Variants in RASA3 observed in about 807,000 individuals in gnomAD.
RASA3 encodes the protein ras GTPase-activating protein 3.
A neutral mutation model predicts 110.0 loss-of-function variants in RASA3; 73 were observed. The observed-to-expected ratio is 0.66, with a 90% CI of 0.55 to 0.81. RASA3 has a LOEUF of 0.81. Ranked by LOEUF, RASA3 falls within the 30% of genes least tolerant of loss-of-function variation. The probability of loss-of-function intolerance (pLI) is 0.00; values close to 1 mark genes in which losing one functional copy is unlikely to be tolerated. For synonymous variants in RASA3, 500 were observed against 451.4 expected (o/e 1.11, Z -1.37); for missense variants, 976 against 1,113.2 (o/e 0.88, Z 1.75).
chr13:114,043,698 G>T (rs574882956), intron 3 of RASA3, among the ~76,000 whole-genome samples: 1 of 152,026 alleles, frequency 6.6e-6, no homozygotes, highest in African/African-American at 2.4e-5. Context: ...CAGCACATGT[G>T]GGAGAAGGAA....
chr13:114,068,120 C>G (rs1055087603), intron 2 of RASA3, among the ~76,000 whole-genome samples: 1 of 152,236 alleles, frequency 6.6e-6, no homozygotes, highest in African/African-American at 2.4e-5. Flanking sequence ...CAGAAACCAG[C>G]CACGCCTGCA....
At chr13:114,091,567 G>T (rs1285692606) in intron 1 of RASA3, among the ~76,000 whole-genome samples, 1 of 150,894 alleles carries the variant, frequency 6.6e-6, no homozygotes, top group Non-Finnish European at 1.5e-5. Context: ...AGTCCCACCT[G>T]TCATGCTGAA....
intron 2 of RASA3, among the ~76,000 whole-genome samples, chr13:114,060,922 C>CGGAGCCCCCACAGCCGGCAGAT (rs2139608782): frequency 7.8e-6 from 1 of 128,850 alleles, no homozygotes; most frequent in South Asian, 2.8e-4. Context: ...AGCCGGCAGA[C>CGGAGCCCCCACAGCCGGCAGAT]GGAGCCCCCA....
chr13:114,088,785 G>T lies in RASA3; in HGVS notation c.56-14948C>A, dbSNP rs575846228. 7.2e-5 allele frequency among the ~76,000 whole-genome samples: 11 copies of T among 152,262 alleles called. No individual in the cohort carries two copies. In the East Asian group the frequency reaches 2.1e-3, roughly 29 times the overall value. On this transcript the variant is annotated intron_variant, in intron 1 of 23. Coordinates refer to ENST00000334062, the MANE Select transcript of RASA3 (RefSeq NM_007368.4). ...GGCTGGTCTTGAACTCCCGACCTCA[G>T]GTGATCCAACCGCCTTGGCCTCCCA...
At chr13:114,032,904 T>C (rs1366510708) in intron 4 of RASA3, among the ~76,000 whole-genome samples, 2 of 58,794 alleles carry the variant, frequency 3.4e-5, no homozygotes, top group African/African-American at 1.3e-4. Context: ...CCACACTTGA[T>C]ACCATGCCCC....
intron 2 of RASA3, among the ~76,000 whole-genome samples, chr13:114,070,737 C>T (rs537108289): frequency 0.013 from 1,737 of 132,872 alleles, 24 homozygotes; most frequent in Middle Eastern, 0.027. Context: ...GGGCTGCCGG[C>T]GTCCACGCTA....
At chr13:114,093,383 T>C (rs919411051) in intron 1 of RASA3, among the ~76,000 whole-genome samples, 6 of 152,224 alleles carry the variant, frequency 3.9e-5, no homozygotes, top group African/African-American at 1.4e-4. Context: ...GAATATATCA[T>C]CCCACTCCCT....
At chr13:114,047,521 A>T (rs1217506389) in intron 3 of RASA3, among the ~76,000 whole-genome samples, 1 of 152,284 alleles carries the variant, frequency 6.6e-6, no homozygotes, top group Non-Finnish European at 1.5e-5. Context: ...CACACACCCT[A>T]CAGTGACCCA....
At chr13:114,062,556 CCGCACGCAGA>C (rs1189567511) in intron 2 of RASA3, among the ~76,000 whole-genome samples, 2 of 132,218 alleles carry the variant, frequency 1.5e-5, no homozygotes, top group African/African-American at 6.2e-5. Context: ...CAGCCCACGT[CCGCACGCAGA>C]CTCGGACACG....
At chr13:114,012,838 T>A in intron 15 of RASA3, among the ~76,000 whole-genome samples, 1 of 86,874 alleles carries the variant, frequency 1.2e-5, no homozygotes, top group Admixed American at 1.2e-4. Context: ...CACTCCCCAT[T>A]CCACACACAC....
rs986914058 is a variant in RASA3, at chr13:114,114,656, C to A, written c.55+17779G>T. ...CACATATTTAATTGACTCGTAAAAG[C>A]AACTTGTTTTTCTTCATCCTTCGCC... On this transcript the variant is annotated intron_variant, in intron 1 of 23. Transcript: ENST00000334062. The surrounding 1 kb of genome is among the most constrained non-coding windows in gnomAD (Gnocchi z 4.8). Among the ~76,000 whole-genome samples, 1 of 152,184 alleles carries A rather than the reference C, an allele frequency of 6.6e-6. No individual in the cohort carries two copies. The highest frequency in any genetic ancestry group is 2.1e-4 in the South Asian group (1 of 4,830).
chr13:114,053,501 G>GT (rs1351001906), intron 2 of RASA3, among the ~76,000 whole-genome samples: 27 of 152,378 alleles, frequency 1.8e-4, no homozygotes, highest in African/African-American at 6.5e-4. Flanking sequence ...TAGGAAAGAT[G>GT]TAAGTTATTC....
intron 8 of RASA3, among the ~76,000 whole-genome samples, chr13:114,022,133 G>A (rs60726596): frequency 6.6e-6 from 1 of 152,006 alleles, no homozygotes; most frequent in South Asian, 2.1e-4. Context: ...CACAGCGGGG[G>A]GAGAACTGTG....
chr13:114,129,004 C>T (rs955660713), intron 1 of RASA3, among the ~76,000 whole-genome samples: 7 of 152,162 alleles, frequency 4.6e-5, no homozygotes, highest in Admixed American at 1.3e-4. Flanking sequence ...CAAGATAAGG[C>T]GCCACATTTA....
At chr13:114,023,822 G>A (rs1436138248) in intron 8 of RASA3, among the ~76,000 whole-genome samples, 1 of 152,238 alleles carries the variant, frequency 6.6e-6, no homozygotes, top group East Asian at 1.9e-4. Flanking sequence ...AGGTGAGAGT[G>A]TTTCACTCGA....
chr13:114,001,407 C>T (rs9590387), intron 18 of RASA3, among the ~76,000 whole-genome samples: 1,708 of 141,312 alleles, frequency 0.012, 24 homozygotes, highest in African/African-American at 0.042. Flanking sequence ...GGGCAGTGGA[C>T]GCTCACACAC....
chr13:114,033,996 G>T (rs114669675), intron 4 of RASA3, among the ~76,000 whole-genome samples: 25 of 152,246 alleles, frequency 1.6e-4, no homozygotes, highest in Non-Finnish European at 2.9e-4. Context: ...AGGGCTGAGC[G>T]GAGTATCGCC....
At chr13:114,077,232 G>A (rs950003655) in intron 1 of RASA3, among the ~76,000 whole-genome samples, 14 of 152,226 alleles carry the variant, frequency 9.2e-5, no homozygotes, top group East Asian at 1.9e-4. Flanking sequence ...GACAGACGCC[G>A]TACGACATGA....
Position 113,979,374 on chromosome 13 carries a change from C to A in RASA3, c.2478G>T (p.Gln826His), listed in dbSNP as rs1182219611. The change falls in exon 24 of 24, where the codon CAG becomes CAT. Residue 826 changes from glutamine to histidine, a missense_variant. This residue lies in a region of RASA3 where 132 missense variants were observed against 152.8 expected (regional missense o/e 0.86). Coordinates refer to ENST00000334062, the MANE Select transcript of RASA3 (RefSeq NM_007368.4). ...AAATGGAATGAGTGGAGGTCTCGGA[C>A]TGCTGCCGGATGTAGTTCTGGAAGC... is the stretch of plus-strand genomic sequence containing the variant. ...DKSFQNYIRQ[Q>H]SETSTHSI is the part of the protein sequence containing the mutation. The A allele has an allele frequency of 6.2e-7, 1 of 1,605,176 alleles. No individual in the cohort carries two copies. Among genetic ancestry groups the A allele is most frequent in the African/African-American group, 1.3e-5 (1 of 74,196 alleles).
Sources: allele counts gnomAD v4.1 joint callset (sites outside exome capture counted in the v4.1 genomes callset), GRCh38; gene constraint gnomAD v4.1.1; regional missense constraint gnomAD v4.1.1; non-coding constraint Gnocchi (gnomAD v3.1); transcripts MANE v1.5; gene names NCBI Gene and HGNC (gene_info 2026-07-23, HGNC 2026-07-21).